PPM1H: variants seen among roughly 807,000 people sequenced by gnomAD.
The protein encoded by PPM1H is protein phosphatase 1H.
A neutral mutation model predicts 54.9 loss-of-function variants in PPM1H; 27 were observed. The observed-to-expected ratio is 0.49, with a 90% CI of 0.36 to 0.68. PPM1H has a LOEUF of 0.68. PPM1H is among the 30% of genes least tolerant of loss of function. The probability of loss-of-function intolerance (pLI) is 0.00; values close to 1 mark genes in which losing one functional copy is unlikely to be tolerated. For synonymous variants in PPM1H, 305 were observed against 270.8 expected (o/e 1.13, Z -1.24); for missense variants, 596 against 667.8 (o/e 0.89, Z 1.19).
chr12:62,651,388 G>C (rs965455809), intron 9 of PPM1H, among the ~76,000 whole-genome samples: 3 of 152,184 alleles, frequency 2.0e-5, no homozygotes, highest in African/African-American at 2.4e-5. Context: ...AACAGGTCCT[G>C]CAGTCATGGA....
At chr12:62,724,513 A>G (rs1002662860) in intron 5 of PPM1H, among the ~76,000 whole-genome samples, 1 of 152,154 alleles carries the variant, frequency 6.6e-6, no homozygotes, top group African/African-American at 2.4e-5. Flanking sequence ...AACAGCTTTG[A>G]TAACTGCAGG....
At chr12:62,654,382 C>T (rs2075832904) in intron 9 of PPM1H, among the ~76,000 whole-genome samples, 2 of 152,114 alleles carry the variant, frequency 1.3e-5, no homozygotes, top group South Asian at 4.1e-4. Context: ...AAGGGAAAAA[C>T]AAATGAGCAT....
At chr12:62,797,591 C>T (rs2663952) in intron 3 of PPM1H, among the ~76,000 whole-genome samples, 5 of 151,818 alleles carry the variant, frequency 3.3e-5, no homozygotes, top group Non-Finnish European at 2.9e-5. Flanking sequence ...CACACCGTGG[C>T]GCTTGTGGGC....
At chr12:62,738,016 G>T (rs1267524549) in intron 4 of PPM1H, among the ~76,000 whole-genome samples, 8 of 152,158 alleles carry the variant, frequency 5.3e-5, no homozygotes. Context: ...AACCACATGC[G>T]GGTACTAGGC....
chr12:62,871,511 C>CTTTT (rs375570472), intron 1 of PPM1H, among the ~76,000 whole-genome samples: 1 of 119,164 alleles, frequency 8.4e-6, no homozygotes, highest in African/African-American at 3.1e-5. Context: ...AACTGTGGTA[C>CTTTT]TTTTTTTTTT....
At chr12:62,803,009 G>GGC (rs1750241270) in intron 2 of PPM1H, among the ~76,000 whole-genome samples, 1 of 152,102 alleles carries the variant, frequency 6.6e-6, no homozygotes, top group Non-Finnish European at 1.5e-5. Context: ...TCCCCTTTTA[G>GGC]AGCCCTTAAA....
At position 62,881,536 on chromosome 12, in the gene PPM1H, C is replaced by T. The variant is rs1011788045; in HGVS notation, c.246-49257G>A. Among the ~76,000 whole-genome samples the T allele has an allele frequency of 3.9e-5, 6 of 152,164 alleles. No individual in the cohort carries two copies. In the South Asian group the frequency reaches 1.2e-3, roughly 32 times the overall value. On this transcript the variant is annotated intron_variant, in intron 1 of 9. Transcript: ENST00000228705. ...CTACCTGTGGGCAACAAGATTCAGC[C>T]TATGGGATTCCAAATTGCCTAGCCA...
At position 62,720,448 on chromosome 12, in the gene PPM1H, T is replaced by TAG. The variant is rs547527170; in HGVS notation, c.955-161_955-160dup. Among the ~76,000 whole-genome samples, 84 of 152,328 alleles carry TAG rather than the reference T, an allele frequency of 5.5e-4. 1 individual carries two copies. The highest frequency in any genetic ancestry group is 2.0e-3 in the African/African-American group (84 of 41,578). Reference sequence around the variant, plus strand: ...ATAGATTTCAGAGTTTAAACACTAATAGAAGACGAGCACATAAAAATGAAT... The same window carrying TAG: ...ATAGATTTCAGAGTTTAAACACTAATAGAGAAGACGAGCACATAAAAATGAAT... On this transcript the variant is annotated intron_variant, in intron 5 of 9. Coordinates refer to ENST00000228705, the MANE Select transcript of PPM1H (RefSeq NM_020700.2).
At chr12:62,800,001 G>A (rs928656980) in intron 3 of PPM1H, among the ~76,000 whole-genome samples, 6 of 152,020 alleles carry the variant, frequency 3.9e-5, no homozygotes, top group Admixed American at 6.6e-5. Flanking sequence ...CCACTACCAC[G>A]CCCAGCAAGG....
intron 7 of PPM1H, among the ~76,000 whole-genome samples, chr12:62,691,423 G>C (rs553159969): frequency 1.2e-4 from 19 of 152,224 alleles, no homozygotes; most frequent in African/African-American, 3.9e-4. Flanking sequence ...CTGTCAACAG[G>C]GCTGTGAATT....
chr12:62,909,186 A>T (rs1871386309), intron 1 of PPM1H, among the ~76,000 whole-genome samples: 7 of 152,078 alleles, frequency 4.6e-5, no homozygotes, highest in Admixed American at 4.6e-4. Flanking sequence ...ACTGCATTTT[A>T]TTCCTTCCAC....
At chr12:62,852,076 A>G (rs1869210491) in intron 1 of PPM1H, among the ~76,000 whole-genome samples, 1 of 151,716 alleles carries the variant, frequency 6.6e-6, no homozygotes, top group African/African-American at 2.4e-5. Flanking sequence ...TAAAAATACA[A>G]AAATTAGCTG....
At chr12:62,738,547 G>A (rs1404582020) in intron 4 of PPM1H, among the ~76,000 whole-genome samples, 1 of 152,134 alleles carries the variant, frequency 6.6e-6, no homozygotes, top group East Asian at 1.9e-4. Context: ...TATTCCCAGC[G>A]GTGCCTCCTG....
intron 1 of PPM1H, among the ~76,000 whole-genome samples, chr12:62,847,044 T>C (rs904654827): frequency 1.3e-5 from 2 of 152,196 alleles, no homozygotes; most frequent in Non-Finnish European, 1.5e-5. Context: ...CCCATTCATA[T>C]GGTTTTTCCA....
chr12:62,846,590 C>G (rs189254603), intron 1 of PPM1H, among the ~76,000 whole-genome samples: 1 of 151,764 alleles, frequency 6.6e-6, no homozygotes, highest in Non-Finnish European at 1.5e-5. Flanking sequence ...CAGCTTCCCC[C>G]ATCTGGTCTC....
intron 4 of PPM1H, among the ~76,000 whole-genome samples, chr12:62,786,939 A>G (rs1040284561): frequency 3.9e-5 from 6 of 152,222 alleles, no homozygotes; most frequent in African/African-American, 1.4e-4. Context: ...TAAAATGTAT[A>G]TATATACGTT....
chr12:62,932,628 C>CTTTTTTTTTTGTTTTTTTTTTTTTTTTTT (rs1872178166), intron 1 of PPM1H, among the ~76,000 whole-genome samples: 1 of 54,012 alleles, frequency 1.9e-5, no homozygotes, highest in African/African-American at 7.0e-5. Flanking sequence ...TCCAAATGGG[C>CTTTTTTTTTTGTTTTTTTTTTTTTTTTTT]TTTTTTTTTT....
rs370940246 is a variant in PPM1H, at chr12:62,670,178, T to C, written c.1246-2849A>G. 4.9e-4 allele frequency among the ~76,000 whole-genome samples: 75 copies of C among 151,886 alleles called. 4 individuals are homozygous for C. The South Asian group carries it at 0.012, about 25-fold the overall frequency. ...TTTTAGTAGAGACAGGGATTCTCCA[T>C]GCTGGTCAGGCTGGTCTCGAACTCC... On this transcript the variant is annotated intron_variant, in intron 8 of 9. Coordinates refer to ENST00000228705, the MANE Select transcript of PPM1H (RefSeq NM_020700.2).
At chr12:62,801,074 C>T (rs2076765480) in intron 3 of PPM1H, among the ~76,000 whole-genome samples, 1 of 152,232 alleles carries the variant, frequency 6.6e-6, no homozygotes, top group African/African-American at 2.4e-5. Flanking sequence ...ACCACATTCC[C>T]AGTTGTGGTA....
Sources: gnomAD v4.1 joint callset for allele counts (sites outside exome capture counted in the v4.1 genomes callset) on GRCh38, gnomAD v4.1.1 for gene constraint, MANE v1.5 for transcripts, NCBI Gene and HGNC (gene_info 2026-07-23, HGNC 2026-07-21) for gene names.